The following ADAMTS19 variants were observed in gnomAD, a reference collection of about 807,000 sequenced individuals.
The protein encoded by ADAMTS19 is ADAM metallopeptidase with thrombospondin type 1 motif 19.
In ADAMTS19, 93 loss-of-function variants were observed where a neutral mutation model predicts 153.3. The ratio of observed to expected loss-of-function variants is 0.61; its 90% CI spans 0.51 to 0.72. The LOEUF is 0.72. ADAMTS19 is among the 30% of genes least tolerant of loss of function. The pLI, the probability that ADAMTS19 is intolerant of heterozygous loss-of-function variation, is 0.00. For synonymous variants in ADAMTS19, 600 were observed against 556.6 expected (o/e 1.08, Z -1.10); for missense variants, 1,482 against 1,552.1 (o/e 0.95, Z 0.76).
At chr5:129,547,976 A>G (rs1180438806) in intron 6 of ADAMTS19, among the ~76,000 whole-genome samples, 4 of 150,994 alleles carry the variant, frequency 2.6e-5, no homozygotes, top group Non-Finnish European at 5.9e-5. Flanking sequence ...AGCCATATGT[A>G]GAAAGCTGAA....
chr5:129,625,028 C>T (rs62399040), intron 10 of ADAMTS19, among the ~76,000 whole-genome samples: 12,831 of 151,156 alleles, frequency 0.085, 625 homozygotes, highest in African/African-American at 0.1. Context: ...ATATTTTCCC[C>T]GCCCTCTGTC....
In ADAMTS19 at chr5:129,661,796, A is replaced by G. The variant is rs1344175453; in HGVS notation, c.2425+3059A>G. Among the ~76,000 whole-genome samples, 4 of 152,222 alleles carry G rather than the reference A, an allele frequency of 2.6e-5. No homozygotes were observed. The East Asian group carries it at 7.7e-4, about 29-fold the overall frequency. The stretch of plus-strand genomic sequence containing the variant: ...ACTAAGAAGAAAATGGGCATAAAAA[A>G]TGTTTTATTCTTTATATAAGAAAAT... On this transcript the variant is annotated intron_variant, in intron 15 of 22. Coordinates refer to ENST00000274487, the MANE Select transcript of ADAMTS19 (RefSeq NM_133638.6).
At chr5:129,615,558 C>G (rs1037996510) in intron 8 of ADAMTS19, among the ~76,000 whole-genome samples, 1 of 151,942 alleles carries the variant, frequency 6.6e-6, no homozygotes, top group Non-Finnish European at 1.5e-5. Flanking sequence ...TCATTATTAA[C>G]ATTTTTAGAA....
chr5:129,698,371 T>TA (rs1034285536), intron 19 of ADAMTS19, among the ~76,000 whole-genome samples: 5 of 152,116 alleles, frequency 3.3e-5, no homozygotes, highest in African/African-American at 1.2e-4. Flanking sequence ...TCCAACCTAG[T>TA]AAAAAAATTC....
chr5:129,664,559 A>T (rs1346624003), intron 15 of ADAMTS19, among the ~76,000 whole-genome samples: 1 of 152,094 alleles, frequency 6.6e-6, no homozygotes, highest in East Asian at 1.9e-4. Flanking sequence ...GGTATATGCT[A>T]CCTTTTGGTA....
At chr5:129,579,289 GTT>G (rs1267615396) in intron 7 of ADAMTS19, among the ~76,000 whole-genome samples, 1 of 151,886 alleles carries the variant, frequency 6.6e-6, no homozygotes, top group Admixed American at 6.6e-5. Context: ...TGATGGGGTT[GTT>G]TTTTTCTTGT....
At chr5:129,689,343 T>C (rs1335103353) in intron 18 of ADAMTS19, among the ~76,000 whole-genome samples, 1 of 152,212 alleles carries the variant, frequency 6.6e-6, no homozygotes, top group African/African-American at 2.4e-5. Flanking sequence ...ATTTCAGTAT[T>C]CAAAAGCCTA....
At chr5:129,694,459 C>T (rs1755468042) in intron 18 of ADAMTS19, among the ~76,000 whole-genome samples, 1 of 151,964 alleles carries the variant, frequency 6.6e-6, no homozygotes, top group South Asian at 2.1e-4. Flanking sequence ...GAATAATTCA[C>T]ATGTTCCTAG....
chr5:129,662,888 ATTTTT>A (rs3049499), intron 15 of ADAMTS19, among the ~76,000 whole-genome samples: 9 of 92,888 alleles, frequency 9.7e-5, no homozygotes, highest in African/African-American at 3.8e-4. Context: ...ATTCTTCTTC[ATTTTT>A]TTTTTTTTTT....
intron 16 of ADAMTS19, among the ~76,000 whole-genome samples, chr5:129,675,165 A>G (rs1161345766): frequency 1.3e-5 from 2 of 152,080 alleles, no homozygotes; most frequent in African/African-American, 4.8e-5. Flanking sequence ...CTCTCTAGGC[A>G]CTTTCAAGAT....
chr5:129,646,649 A>G (rs1271854146), intron 11 of ADAMTS19, among the ~76,000 whole-genome samples: 2 of 151,868 alleles, frequency 1.3e-5, no homozygotes, highest in African/African-American at 2.4e-5. Flanking sequence ...TTCAATTCCT[A>G]AAAAAAACTG....
intron 21 of ADAMTS19, among the ~76,000 whole-genome samples, chr5:129,731,098 A>T (rs1757424809): frequency 6.6e-6 from 1 of 152,060 alleles, no homozygotes; most frequent in Admixed American, 6.6e-5. Context: ...AGCTAGAATT[A>T]CAGGCCTGCA....
intron 21 of ADAMTS19, among the ~76,000 whole-genome samples, chr5:129,721,587 C>CT (rs113530812): frequency 2.1e-4 from 32 of 149,042 alleles, no homozygotes; most frequent in Admixed American, 1.1e-3. Context: ...AAACCAAGGT[C>CT]TTTTTTTTTT....
At chr5:129,490,880 GT>G (rs1439030688) in intron 2 of ADAMTS19, among the ~76,000 whole-genome samples, 3 of 152,044 alleles carry the variant, frequency 2.0e-5, no homozygotes, top group South Asian at 4.1e-4. Flanking sequence ...ATGAGATACA[GT>G]TTGCACTGCC....
chr5:129,576,967 C>T (rs1749153670), intron 7 of ADAMTS19, among the ~76,000 whole-genome samples: 1 of 152,130 alleles, frequency 6.6e-6, no homozygotes, highest in Non-Finnish European at 1.5e-5. Context: ...CTGCCCACCT[C>T]TCTGACTTCC....
intron 2 of ADAMTS19, among the ~76,000 whole-genome samples, chr5:129,479,596 C>T (rs1026768316): frequency 1.3e-4 from 19 of 151,988 alleles, no homozygotes; most frequent in African/African-American, 4.3e-4. Context: ...AACAAACGTG[C>T]GAGGTTTAGC....
At chr5:129,503,982 C>T (rs924219949) in intron 2 of ADAMTS19, among the ~76,000 whole-genome samples, 1 of 152,124 alleles carries the variant, frequency 6.6e-6, no homozygotes, top group Non-Finnish European at 1.5e-5. Flanking sequence ...TCGAGTGTCT[C>T]GCTAATTCTC....
At chr5:129,578,194 G>A (rs1385830746) in intron 7 of ADAMTS19, among the ~76,000 whole-genome samples, 1 of 26,506 alleles carries the variant, frequency 3.8e-5, no homozygotes, top group Non-Finnish European at 7.9e-5. Context: ...GTATATGTAC[G>A]TATACGTACA....
intron 10 of ADAMTS19, among the ~76,000 whole-genome samples, chr5:129,630,489 G>A (rs984000583): frequency 1.4e-4 from 21 of 152,038 alleles, no homozygotes; most frequent in East Asian, 9.6e-4. Context: ...TTCAACAAAA[G>A]TAACAAGGCA....
Sources: allele counts gnomAD v4.1 joint callset (sites outside exome capture counted in the v4.1 genomes callset), GRCh38; gene constraint gnomAD v4.1.1; transcripts MANE v1.5; gene names NCBI Gene and HGNC (gene_info 2026-07-23, HGNC 2026-07-21).